Variants in FHOD3 observed in about 807,000 individuals in gnomAD.
FHOD3 encodes the protein formin homology 2 domain containing 3, also known as FH1/FH2 domain-containing protein 3.
A neutral mutation model predicts 173.0 loss-of-function variants in FHOD3; 90 were observed. The observed-to-expected ratio is 0.52, with a 90% CI of 0.44 to 0.62. FHOD3 has a LOEUF of 0.62. Ranked by LOEUF, FHOD3 falls within the 20% of genes least tolerant of loss-of-function variation. The pLI is 0.00. For synonymous variants in FHOD3, 828 were observed against 823.0 expected (o/e 1.01, Z -0.10); for missense variants, 1,945 against 2,034.7 (o/e 0.96, Z 0.85).
intron 5 of FHOD3, among the ~76,000 whole-genome samples, chr18:36,560,981 C>A (rs962939921): frequency 6.6e-6 from 1 of 152,046 alleles, no homozygotes; most frequent in Non-Finnish European, 1.5e-5. Context: ...ATACCCCAAC[C>A]CTCATGAAAT....
intron 1 of FHOD3, among the ~76,000 whole-genome samples, chr18:36,334,318 G>A (rs1359097719): frequency 6.6e-6 from 1 of 152,214 alleles, no homozygotes; most frequent in African/African-American, 2.4e-5. Flanking sequence ...GTTAAGGAGA[G>A]GCAGCTCTTT....
chr18:36,630,574 T>A (rs2034443057), intron 10 of FHOD3, among the ~76,000 whole-genome samples: 1 of 152,170 alleles, frequency 6.6e-6, no homozygotes, highest in South Asian at 2.1e-4. Flanking sequence ...GACACCAGCA[T>A]AAAACAAGTT....
intron 1 of FHOD3, among the ~76,000 whole-genome samples, chr18:36,348,642 T>A (rs1349141735): frequency 5.3e-5 from 8 of 152,158 alleles, no homozygotes; most frequent in African/African-American, 1.9e-4. Flanking sequence ...GGAGGGTCCT[T>A]GGCTGACTGC....
At chr18:36,420,807 A>G (rs1273221845) in intron 3 of FHOD3, among the ~76,000 whole-genome samples, 1 of 152,198 alleles carries the variant, frequency 6.6e-6, no homozygotes, top group Non-Finnish European at 1.5e-5. Flanking sequence ...CTTTCTGACC[A>G]TGGGGGACTG....
intron 5 of FHOD3, among the ~76,000 whole-genome samples, chr18:36,555,995 A>G (rs940952357): frequency 6.6e-6 from 1 of 152,022 alleles, no homozygotes; most frequent in East Asian, 1.9e-4. Context: ...TATCCAATCT[A>G]ATTTTAAATT....
rs144598645 is a variant in FHOD3, at chr18:36,439,674, A to G, written c.338-62258A>G. 7.6e-3 allele frequency among the ~76,000 whole-genome samples: 1,157 copies of G among 152,090 alleles called. 11 individuals are homozygous for G. The highest frequency in any genetic ancestry group is 0.027 in the African/African-American group (1,104 of 41,488). ...GAGACTCAGGAAAGCCAGTGGTGTCATTGAGTTTGATGGCCAAGAACCAGG... is the reference window on the plus strand; with the variant it reads ...GAGACTCAGGAAAGCCAGTGGTGTCGTTGAGTTTGATGGCCAAGAACCAGG... On this transcript the variant is annotated intron_variant, in intron 3 of 28. Coordinates refer to ENST00000590592, the MANE Select transcript of FHOD3 (RefSeq NM_001281740.3).
intron 5 of FHOD3, among the ~76,000 whole-genome samples, chr18:36,560,934 A>G (rs1462429711): frequency 6.6e-6 from 1 of 151,302 alleles, no homozygotes; most frequent in Non-Finnish European, 1.5e-5. Flanking sequence ...CATCCCCCTA[A>G]GGTGCCTTTT....
At chr18:36,645,561 C>G (rs1047287363) in intron 10 of FHOD3, among the ~76,000 whole-genome samples, 1 of 152,152 alleles carries the variant, frequency 6.6e-6, no homozygotes, top group African/African-American at 2.4e-5. Context: ...TTCTTAGTTA[C>G]ATAATTCTCA....
rs368037065 is a variant in FHOD3 at position 36,539,687 on chromosome 18, GC to G, written c.511+27145del. On this transcript the variant is annotated intron_variant, in intron 5 of 28. Transcript: ENST00000590592. ...CAGAGGTGACAAAACCCTGTTTGGG[GC>G]TGTTTATCACCATTTTGAGAAAATT... is the stretch of plus-strand genomic sequence containing the variant. Among the ~76,000 whole-genome samples, 314 of 152,282 alleles carry G rather than the reference GC, an allele frequency of 2.1e-3. 2 individuals are homozygous for G. The highest frequency in any genetic ancestry group is 7.2e-3 in the African/African-American group (298 of 41,556).
chr18:36,492,880 G>A (rs1279791809), intron 3 of FHOD3, among the ~76,000 whole-genome samples: 1 of 152,214 alleles, frequency 6.6e-6, no homozygotes, highest in African/African-American at 2.4e-5. Context: ...TGGCATAAAT[G>A]TCATGGCTAG....
intron 5 of FHOD3, among the ~76,000 whole-genome samples, chr18:36,553,407 T>C (rs2057743420): frequency 6.6e-6 from 1 of 152,226 alleles, no homozygotes; most frequent in Non-Finnish European, 1.5e-5. Context: ...CCAGCTCTTC[T>C]TTGTACCTGT....
intron 5 of FHOD3, among the ~76,000 whole-genome samples, chr18:36,522,825 T>C (rs937395413): frequency 5.3e-5 from 8 of 152,224 alleles, no homozygotes; most frequent in African/African-American, 1.7e-4. Context: ...TGTGTGTGCA[T>C]GATCAGGAGA....
At chr18:36,553,629 A>G (rs1043695440) in intron 5 of FHOD3, among the ~76,000 whole-genome samples, 4 of 152,178 alleles carry the variant, frequency 2.6e-5, no homozygotes, top group Admixed American at 6.5e-5. Flanking sequence ...GTATTCTCTG[A>G]TGGTAGTTTG....
intron 19 of FHOD3, among the ~76,000 whole-genome samples, chr18:36,725,904 A>G (rs1288233173): frequency 1.3e-5 from 2 of 152,028 alleles, no homozygotes; most frequent in Non-Finnish European, 1.5e-5. Context: ...TATTATTCCA[A>G]CTATTCTAGG....
intron 1 of FHOD3, 145 bp downstream of exon 1, chr18:36,298,145 C>G (rs999978231): frequency 6.6e-4 from 459 of 694,994 alleles, no homozygotes; most frequent in Non-Finnish European, 9.0e-4. Flanking sequence ...AAATCCCCCT[C>G]CCCGTTAGAC....
chr18:36,510,863 A>C (rs1286843066), intron 4 of FHOD3, among the ~76,000 whole-genome samples: 1 of 152,150 alleles, frequency 6.6e-6, no homozygotes, highest in African/African-American at 2.4e-5. Context: ...CAGGGCGCAG[A>C]CATCACTCAC....
chr18:36,551,388 T>C (rs1360668820), intron 5 of FHOD3, among the ~76,000 whole-genome samples: 1 of 152,164 alleles, frequency 6.6e-6, no homozygotes, highest in African/African-American at 2.4e-5. Flanking sequence ...TTGGATGAGT[T>C]GGGAAATATT....
At chr18:36,371,263 T>C (rs1340581673) in intron 2 of FHOD3, among the ~76,000 whole-genome samples, 1 of 152,214 alleles carries the variant, frequency 6.6e-6, no homozygotes, top group Admixed American at 6.5e-5. Context: ...AAAGAATCCA[T>C]ATTAGTCTGT....
At chr18:36,389,782 A>G (rs776332989) in intron 3 of FHOD3, among the ~76,000 whole-genome samples, 4 of 152,058 alleles carry the variant, frequency 2.6e-5, no homozygotes, top group South Asian at 2.1e-4. Context: ...TGTGTCTTCT[A>G]TGCACTCCCC....
Sources: allele counts gnomAD v4.1 joint callset (sites outside exome capture counted in the v4.1 genomes callset), GRCh38; gene constraint gnomAD v4.1.1; transcripts MANE v1.5; gene names NCBI Gene and HGNC (gene_info 2026-07-23, HGNC 2026-07-21).